TFDP1: variants seen among roughly 807,000 people sequenced by gnomAD.
TFDP1 encodes the protein DRTF1-polypeptide 1.
A neutral mutation model predicts 48.0 loss-of-function variants in TFDP1; 6 were observed. That is an observed-to-expected ratio of 0.13 (90% confidence interval 0.07 to 0.25). The LOEUF (loss-of-function observed/expected upper bound fraction) is 0.25, where lower values mean the gene tolerates loss of function less well. Ranked by LOEUF, TFDP1 falls within the 10% of genes least tolerant of loss-of-function variation. The pLI is 1.00. For missense variants in TFDP1, 335 were observed against 543.0 expected (o/e 0.62, Z 3.81); for synonymous variants, 201 against 211.6 (o/e 0.95, Z 0.44).
chr13:113,585,764 T>C lies in TFDP1; in HGVS notation c.-64-10T>C. 1 of 1,422,450 alleles carries C rather than the reference T, an allele frequency of 7.0e-7. No homozygotes were observed. The highest frequency in any genetic ancestry group is 9.6e-7 in the Non-Finnish European group (1 of 1,039,320). 88.1% of individuals were successfully genotyped at this position (1,422,450 alleles called of 1,614,324 possible). On this transcript the variant is annotated splice_polypyrimidine_tract_variant and intron_variant, in intron 1 of 11. Transcript: ENST00000375370. ...TTGTTTTTCCTTACTTTTTTTTTTTTTTTTACCAGAAAAATCATTTTTCTT... is the reference window on the plus strand; with the variant it reads ...TTGTTTTTCCTTACTTTTTTTTTTTCTTTTACCAGAAAAATCATTTTTCTT...
In TFDP1 at chr13:113,605,328, A is replaced by G. The variant is rs561803281; in HGVS notation, c.13-5668A>G. Among the ~76,000 whole-genome samples the G allele has an allele frequency of 3.9e-5, 6 of 152,078 alleles. No individual in the cohort carries two copies. The East Asian group carries it at 5.8e-4, about 15-fold the overall frequency. Reference sequence around the variant, plus strand: ...TTATGCAGGGTTCAAGATCCATTCAAAGATAAATTCAGTGACGACCTGGTT... The same window carrying G: ...TTATGCAGGGTTCAAGATCCATTCAGAGATAAATTCAGTGACGACCTGGTT... On this transcript the variant is annotated intron_variant, in intron 2 of 11. Transcript: ENST00000375370.
At chr13:113,620,016 C>G (rs2048959345) in intron 3 of TFDP1, among the ~76,000 whole-genome samples, 1 of 152,196 alleles carries the variant, frequency 6.6e-6, no homozygotes, top group Non-Finnish European at 1.5e-5. Flanking sequence ...GAGGGACCCT[C>G]TTCCCTCTGT....
chr13:113,610,341 G>A (rs1312380703), intron 2 of TFDP1, among the ~76,000 whole-genome samples: 2 of 151,700 alleles, frequency 1.3e-5, no homozygotes, highest in South Asian at 2.1e-4. Flanking sequence ...ACTGTCATGC[G>A]TGTGCCCCCA....
Position 113,598,752 on chromosome 13 carries a change from C to T in TFDP1, c.13-12244C>T, listed in dbSNP as rs996218352. On this transcript the variant is annotated intron_variant, in intron 2 of 11. Transcript: ENST00000375370. The surrounding 1 kb of genome is among the most constrained non-coding windows in gnomAD (Gnocchi z 4.2). ...GGAGGCGTTCTCTGCCCCTACGTGGCTCACACTGTGGTTCTGTGGCCGCCG... is the reference window on the plus strand; with the variant it reads ...GGAGGCGTTCTCTGCCCCTACGTGGTTCACACTGTGGTTCTGTGGCCGCCG... 6.6e-6 allele frequency among the ~76,000 whole-genome samples: 1 copy of T among 152,192 alleles called. No individual in the cohort carries two copies. Among genetic ancestry groups the T allele is most frequent in the Non-Finnish European group, 1.5e-5 (1 of 68,030 alleles).
chr13:113,601,948 GC>G (rs1287491240), intron 2 of TFDP1, among the ~76,000 whole-genome samples: 2 of 45,870 alleles, frequency 4.4e-5, no homozygotes, highest in Non-Finnish European at 7.3e-5. Context: ...GGAGGACAGA[GC>G]TACTCCCTCT....
At chr13:113,636,804 GC>G in intron 10 of TFDP1, 104 bp downstream of exon 10, 1 of 1,355,658 alleles carries the variant, frequency 7.4e-7, no homozygotes. Context: ...CTGAGATCAG[GC>G]CCACGTGTGT....
chr13:113,619,804 G>T (rs566238644), intron 3 of TFDP1, among the ~76,000 whole-genome samples: 41 of 152,318 alleles, frequency 2.7e-4, no homozygotes, highest in Middle Eastern at 6.8e-3. Context: ...GGTTGGTGTG[G>T]TGTGCCACTC....
intron 3 of TFDP1, among the ~76,000 whole-genome samples, chr13:113,613,938 G>C (rs2048784558): frequency 6.6e-6 from 1 of 151,818 alleles, no homozygotes; most frequent in South Asian, 2.1e-4. Context: ...TTGTGTGCGT[G>C]TGTGTGCATG....
rs56322396 is a variant in TFDP1, at chr13:113,633,352, T to C, written c.474+67T>C. ...CCAGCGGTGTGGTACGTTTCGCTCTTTTAATATCGGGAACAGTTAAAACCA... is the reference window on the plus strand; with the variant it reads ...CCAGCGGTGTGGTACGTTTCGCTCTCTTAATATCGGGAACAGTTAAAACCA... On this transcript the variant is annotated intron_variant, in intron 6 of 11. Transcript: ENST00000375370. The surrounding 1 kb of genome is among the most constrained non-coding windows in gnomAD (Gnocchi z 4.5). The C allele has an allele frequency of 1.5e-5, 15 of 986,222 alleles. No individual in the cohort carries two copies. Among genetic ancestry groups the C allele is most frequent in the Non-Finnish European group, 2.3e-5 (15 of 638,760 alleles). The allele number at this position is 986,222 out of a possible 1,614,324, so 61.1% of individuals were successfully genotyped here.
At chr13:113,634,097 C>T (rs539224263) in intron 7 of TFDP1, 64 bp downstream of exon 7, 14 of 1,610,812 alleles carry the variant, frequency 8.7e-6, no homozygotes, top group African/African-American at 4.0e-5. Flanking sequence ...TTTTAGTCGT[C>T]GGTCACTCAG....
chr13:113,608,427 G>C (rs770452340), intron 2 of TFDP1, among the ~76,000 whole-genome samples: 3 of 152,236 alleles, frequency 2.0e-5, no homozygotes, highest in Non-Finnish European at 4.4e-5. Context: ...AGCCCTGGCT[G>C]TGCAGGCGGG....
In TFDP1 at chr13:113,596,858, C is replaced by T. The variant is rs145507272; in HGVS notation, c.12+11009C>T. 2.3e-4 allele frequency among the ~76,000 whole-genome samples: 35 copies of T among 152,300 alleles called. No individual in the cohort carries two copies. In the East Asian group the frequency reaches 6.6e-3, roughly 29 times the overall value. On this transcript the variant is annotated intron_variant, in intron 2 of 11. Coordinates refer to ENST00000375370, the MANE Select transcript of TFDP1 (RefSeq NM_007111.5). ...GATGCTGATCCTGGAAGCCCTGCTT[C>T]GTGTTTTTGGGCATTTGTTCCCTGG...
At chr13:113,602,659 G>T (rs996502279) in intron 2 of TFDP1, among the ~76,000 whole-genome samples, 22 of 152,200 alleles carry the variant, frequency 1.4e-4, no homozygotes, top group African/African-American at 4.8e-4. Flanking sequence ...CACTTTTATG[G>T]CTGTTGCGTA....
chr13:113,604,213 G>C (rs2048509024), intron 2 of TFDP1, among the ~76,000 whole-genome samples: 2 of 150,950 alleles, frequency 1.3e-5, no homozygotes, highest in African/African-American at 2.4e-5. Context: ...GGTGGTGCTT[G>C]TTACTGAGTT....
At chr13:113,615,290 G>T (rs1319860289) in intron 3 of TFDP1, among the ~76,000 whole-genome samples, 1 of 152,238 alleles carries the variant, frequency 6.6e-6, no homozygotes, top group Non-Finnish European at 1.5e-5. Flanking sequence ...TTTGGTAGTG[G>T]TGGGTTTTTA....
Position 113,623,905 on chromosome 13 carries a change from C to A in TFDP1, c.186+619C>A, listed in dbSNP as rs2049056002. 6.6e-6 allele frequency among the ~76,000 whole-genome samples: 1 copy of A among 152,222 alleles called. No homozygotes were observed. The highest frequency in any genetic ancestry group is 1.5e-5 in the Non-Finnish European group (1 of 68,044). ...CCCTCTGCGTCCTTGCCGGTGGCAG[C>A]CTACTGGAGACAGGGAGCCCACACA... is the stretch of plus-strand genomic sequence containing the variant. On this transcript the variant is annotated intron_variant, in intron 4 of 11. Coordinates refer to ENST00000375370, the MANE Select transcript of TFDP1 (RefSeq NM_007111.5). The surrounding 1 kb of genome is among the most constrained non-coding windows in gnomAD (Gnocchi z 5.2).
chr13:113,624,282 C>T (rs963944944), intron 4 of TFDP1, among the ~76,000 whole-genome samples: 19 of 152,140 alleles, frequency 1.2e-4, no homozygotes, highest in Non-Finnish European at 1.9e-4. Context: ...AGAACCTGTC[C>T]GTTCACTGTC....
Position 113,622,695 on chromosome 13 carries a change from T to C in TFDP1, c.80-485T>C, listed in dbSNP as rs562568817. 3.3e-5 allele frequency among the ~76,000 whole-genome samples: 5 copies of C among 152,264 alleles called. No individual in the cohort carries two copies. The East Asian group carries it at 9.7e-4, about 29-fold the overall frequency. On this transcript the variant is annotated intron_variant, in intron 3 of 11. Transcript: ENST00000375370. ...CACCAGTGTTCTGAGGGCACCTGCA[T>C]GTTTAGAGCCGCAGCCTCTGTGGAA...
rs1464790668 is a variant in TFDP1, at chr13:113,640,870, T to A, written c.*603T>A. On this transcript the variant is annotated 3_prime_UTR_variant, in exon 12 of 12. Coordinates refer to ENST00000375370, the MANE Select transcript of TFDP1 (RefSeq NM_007111.5). ...TTGACTGTTGTGATTCCATCAAGTT[T>A]GTACACTCTTTTCTCTCCCTGTTTT... The A allele has an allele frequency of 6.5e-6, 1 of 153,166 alleles. No homozygotes were observed. Among genetic ancestry groups the A allele is most frequent in the Non-Finnish European group, 1.5e-5 (1 of 68,486 alleles). 9.5% of individuals were successfully genotyped at this position (153,166 alleles called of 1,614,324 possible).
Sources: gnomAD v4.1 joint callset for allele counts (sites outside exome capture counted in the v4.1 genomes callset) on GRCh38, gnomAD v4.1.1 for gene constraint, Gnocchi (gnomAD v3.1) non-coding constraint, MANE v1.5 for transcripts, NCBI Gene and HGNC (gene_info 2026-07-23, HGNC 2026-07-21) for gene names.